Variants in CDH3 observed in about 807,000 individuals in gnomAD.
The protein encoded by CDH3 is cadherin-3.
Under a neutral mutation model 82.0 loss-of-function variants are expected in CDH3, and 54 were observed. The ratio of observed to expected loss-of-function variants is 0.66; its 90% confidence interval spans 0.53 to 0.83. The LOEUF (loss-of-function observed/expected upper bound fraction) is 0.83, where lower values mean the gene tolerates loss of function less well. Among genes scored for constraint, CDH3 ranks in the 40% least tolerant of loss-of-function variants. The probability of loss-of-function intolerance (pLI) is 0.00; values close to 1 mark genes in which losing one functional copy is unlikely to be tolerated. For missense variants in CDH3, 1,054 were observed against 1,084.6 expected, an observed-to-expected ratio of 0.97 and a Z score of 0.40; for synonymous variants, 446 against 437.9, an observed-to-expected ratio of 1.02 and a Z score of -0.23.
chr16:68,721,935 CAA>C (rs1323017224), intron 1 of CDH3, among the ~76,000 whole-genome samples: 1 of 151,994 alleles, frequency 6.6e-6, no homozygotes, highest in African/African-American at 2.4e-5. Flanking sequence ...ACTAAAAATA[CAA>C]AAGTTAGCTG....
chr16:68,668,474 A>G (rs186245411), intron 2 of CDH3, among the ~76,000 whole-genome samples: 15 of 152,334 alleles, frequency 9.8e-5, no homozygotes, highest in Admixed American at 2.6e-4. Context: ...AGGAAATTGT[A>G]ATGATCTGCC....
At chr16:68,730,066 C>A (rs867401974), downstream of CDH3, among the ~76,000 whole-genome samples, 1 of 151,868 alleles carries the variant, frequency 6.6e-6, no homozygotes, top group Non-Finnish European at 1.5e-5. Context: ...AACCCTGTCT[C>A]TACTAAAAAT....
At chr16:68,683,521 A>G (rs542866040) in intron 9 of CDH3, among the ~76,000 whole-genome samples, 75 of 151,618 alleles carry the variant, frequency 4.9e-4, no homozygotes, top group Non-Finnish European at 9.0e-4. Context: ...GCGTGGTGGC[A>G]GGCGCCTGTA....
intron 15 of CDH3, chr16:68,696,441 G>T: frequency 4.5e-6 from 1 of 224,572 alleles, no homozygotes; most frequent in Non-Finnish European, 8.9e-6. Context: ...AAAATGATTA[G>T]GAGGCTGGGC....
chr16:68,703,984 G>A (rs1162782944), downstream of CDH3, among the ~76,000 whole-genome samples: 1 of 149,984 alleles, frequency 6.7e-6, no homozygotes, highest in Non-Finnish European at 1.5e-5. Context: ...AATAAAATGG[G>A]CGAGTAAAAG....
intron 2 of CDH3, among the ~76,000 whole-genome samples, chr16:68,666,702 A>G (rs978186046): frequency 6.6e-5 from 10 of 152,210 alleles, no homozygotes; most frequent in Admixed American, 4.6e-4. Context: ...CAAGAATAAA[A>G]CTATAAATAT....
At chr16:68,728,582 C>T (rs1482456345), downstream of CDH3, among the ~76,000 whole-genome samples, 1 of 152,164 alleles carries the variant, frequency 6.6e-6, no homozygotes, top group Non-Finnish European at 1.5e-5. Flanking sequence ...AGGCTTGAGC[C>T]ACCACGCCCA....
chr16:68,658,267 A>G (rs1960461167), intron 2 of CDH3, among the ~76,000 whole-genome samples: 2 of 152,200 alleles, frequency 1.3e-5, no homozygotes, highest in African/African-American at 4.8e-5. Context: ...CCATTTGGAA[A>G]TTCTTCAGAC....
chr16:68,713,091 A>C (rs1962050335), intron 1 of CDH3, among the ~76,000 whole-genome samples: 1 of 145,254 alleles, frequency 6.9e-6, no homozygotes, highest in Admixed American at 6.9e-5. Context: ...TCCTCTCCCC[A>C]CTCTCTGTGT....
intron 3 of CDH3, 43 bp from the exon 4 acceptor site, chr16:68,678,091 C>G: frequency 1.3e-6 from 2 of 1,586,204 alleles, no homozygotes; most frequent in Non-Finnish European, 8.7e-7. Context: ...GAGCATGTCC[C>G]AGCTATTTGC....
intron 8 of CDH3, 84 bp from the exon 9 acceptor site, chr16:68,682,218 C>T (rs1284613309): frequency 2.7e-6 from 4 of 1,465,358 alleles, no homozygotes; most frequent in Non-Finnish European, 3.8e-6. Context: ...TGGGGATCCC[C>T]TGAGGTTGGA....
At chr16:68,657,817 G>A (rs1399570576) in intron 2 of CDH3, among the ~76,000 whole-genome samples, 2 of 152,112 alleles carry the variant, frequency 1.3e-5, no homozygotes, top group Non-Finnish European at 2.9e-5. Flanking sequence ...CCCTTTTGTT[G>A]AAGACCACTT....
rs1205567317 is a variant in CDH3 at position 68,698,260 on chromosome 16, G to A, written c.2350G>A (p.Gly784Ser). The A allele has an allele frequency of 4.3e-6, 7 of 1,614,222 alleles. No homozygotes were observed. The highest frequency in any genetic ancestry group is 5.9e-6 in the Non-Finnish European group (7 of 1,180,038). Residue 784 changes from glycine to serine, a missense_variant, in exon 16 of 16, where the codon GGC becomes AGC. By Grantham distance (56) the Gly-to-Ser change is moderately conservative. Coordinates refer to ENST00000264012, the MANE Select transcript of CDH3 (RefSeq NM_001793.6). ...YDTLLVFDYE[G>S]SGSDAASLSS... ...CACCCTCTTGGTGTTCGACTATGAGGGCAGCGGCTCCGACGCCGCGTCCCT... is the reference window on the plus strand; with the variant it reads ...CACCCTCTTGGTGTTCGACTATGAGAGCAGCGGCTCCGACGCCGCGTCCCT...
At chr16:68,659,098 T>C (rs572285926) in intron 2 of CDH3, among the ~76,000 whole-genome samples, 1 of 152,286 alleles carries the variant, frequency 6.6e-6, no homozygotes, top group East Asian at 1.9e-4. Context: ...AAACATCCCT[T>C]GAGGGAGGTA....
intron 2 of CDH3, chr16:68,646,035 T>C: frequency 2.2e-6 from 1 of 465,002 alleles, no homozygotes; most frequent in Non-Finnish European, 3.9e-6. Context: ...AGTCTCGACG[T>C]GGGAAGTTCT....
intron 2 of CDH3, among the ~76,000 whole-genome samples, chr16:68,650,354 G>C (rs967438003): frequency 6.6e-6 from 1 of 152,078 alleles, no homozygotes; most frequent in Admixed American, 6.5e-5. Flanking sequence ...GCCCAGGCTG[G>C]AGTGCAATGG....
intron 12 of CDH3, 126 bp downstream of exon 12, chr16:68,687,862 T>C: frequency 1.4e-6 from 1 of 717,874 alleles, no homozygotes; most frequent in Non-Finnish European, 2.5e-6. Context: ...TGATCTCCTC[T>C]AGAACCTCAA....
At position 68,659,579 on chromosome 16, in the gene CDH3, C is replaced by CA. The variant is rs548955678; in HGVS notation, c.160+13843dup. On this transcript the variant is annotated intron_variant, in intron 2 of 15. Transcript: ENST00000264012. Reference sequence around the variant, plus strand: ...TGGGCAACAGAGTGAGATGCTGTCTCAAAAAAAAAAAAAAGGATCTTTTGA... The same window carrying CA: ...TGGGCAACAGAGTGAGATGCTGTCTCAAAAAAAAAAAAAAAGGATCTTTTGA... Among the ~76,000 whole-genome samples, 327 of 125,830 alleles carry CA rather than the reference C, an allele frequency of 2.6e-3. 2 individuals are homozygous for CA. The highest frequency in any genetic ancestry group is 5.7e-3 in the Admixed American group (66 of 11,580). 82.5% of individuals were successfully genotyped at this position (125,830 alleles called of 152,430 possible).
intron 2 of CDH3, among the ~76,000 whole-genome samples, chr16:68,664,834 G>T (rs1340607556): frequency 6.6e-6 from 1 of 151,914 alleles, no homozygotes; most frequent in East Asian, 1.9e-4. Flanking sequence ...AATTTTGGTA[G>T]AGATGGGGTT....
Sources: gnomAD v4.1 joint callset for allele counts (sites outside exome capture counted in the v4.1 genomes callset) on GRCh38, gnomAD v4.1.1 for gene constraint, MANE v1.5 for transcripts, NCBI Gene and HGNC (gene_info 2026-07-23, HGNC 2026-07-21) for gene names.